Variants in CADM2 observed in about 807,000 individuals in gnomAD.
The protein encoded by CADM2 is immunoglobulin superfamily member 4D.
A neutral mutation model predicts 49.8 loss-of-function variants in CADM2; 12 were observed. The ratio of observed to expected loss-of-function variants is 0.24; its 90% CI spans 0.15 to 0.39. The LOEUF (loss-of-function observed/expected upper bound fraction) is 0.39. Ranked by LOEUF, CADM2 falls within the 10% of genes least tolerant of loss-of-function variation. The pLI is 1.00. For missense variants in CADM2, 378 were observed against 492.3 expected, an observed-to-expected ratio of 0.77 and a Z score of 2.20; for synonymous variants, 214 against 175.4, an observed-to-expected ratio of 1.22 and a Z score of -1.74.
chr3:85,714,665 C>T (rs1011677909), intron 1 of CADM2, among the ~76,000 whole-genome samples: 9 of 151,986 alleles, frequency 5.9e-5, no homozygotes, highest in African/African-American at 9.7e-5. Context: ...CTCCTGACCT[C>T]GTGATCCGCC....
At chr3:85,884,351 A>G (rs1170738465) in intron 4 of CADM2, among the ~76,000 whole-genome samples, 3 of 152,258 alleles carry the variant, frequency 2.0e-5, no homozygotes, top group African/African-American at 7.2e-5. Context: ...AAGTTAATCC[A>G]GCTAGTGAAT....
At chr3:85,985,006 A>C (rs889056297) in intron 8 of CADM2, among the ~76,000 whole-genome samples, 1 of 152,000 alleles carries the variant, frequency 6.6e-6, no homozygotes, top group Non-Finnish European at 1.5e-5. Flanking sequence ...CTAGAACTAG[A>C]GTTATATTGA....
At chr3:85,092,972 C>T (rs1301882003) in intron 1 of CADM2, among the ~76,000 whole-genome samples, 1 of 152,078 alleles carries the variant, frequency 6.6e-6, no homozygotes, top group Admixed American at 6.6e-5. Context: ...AATAACATGC[C>T]TTTTGTTATA....
intron 2 of CADM2, among the ~76,000 whole-genome samples, chr3:85,770,219 T>A (rs1372657443): frequency 7.9e-5 from 12 of 152,242 alleles, no homozygotes; most frequent in African/African-American, 2.9e-4. Flanking sequence ...CCCAATTCTA[T>A]GTGCTTATTT....
chr3:85,452,024 C>A (rs1273079620), intron 1 of CADM2, among the ~76,000 whole-genome samples: 1 of 152,130 alleles, frequency 6.6e-6, no homozygotes, highest in Non-Finnish European at 1.5e-5. Context: ...AATGCTTCCT[C>A]ACATTCCAGC....
At chr3:85,171,015 G>A (rs926546549) in intron 1 of CADM2, among the ~76,000 whole-genome samples, 6 of 152,094 alleles carry the variant, frequency 3.9e-5, no homozygotes, top group African/African-American at 1.4e-4. Context: ...AAGTCAAAGA[G>A]CAATGGAGCA....
chr3:85,197,386 T>C (rs934025405), intron 1 of CADM2, among the ~76,000 whole-genome samples: 5 of 151,980 alleles, frequency 3.3e-5, no homozygotes, highest in African/African-American at 1.2e-4. Flanking sequence ...CTTTATTTTT[T>C]CAACAAACAT....
chr3:85,667,088 C>T (rs1577050355), intron 1 of CADM2, among the ~76,000 whole-genome samples: 1 of 151,876 alleles, frequency 6.6e-6, no homozygotes, highest in African/African-American at 2.4e-5. Context: ...CTTAGATTTC[C>T]TGGTAAGATT....
chr3:85,729,080 C>T (rs994025390), intron 2 of CADM2, among the ~76,000 whole-genome samples: 6 of 152,110 alleles, frequency 3.9e-5, no homozygotes, highest in Non-Finnish European at 5.9e-5. Flanking sequence ...TCTCCAATGG[C>T]CAAATCCAAG....
chr3:84,992,564 G>T (rs375866888), intron 1 of CADM2, among the ~76,000 whole-genome samples: 25 of 152,054 alleles, frequency 1.6e-4, no homozygotes, highest in African/African-American at 6.0e-4. Context: ...AGGAGGCGGA[G>T]GTTGCAGTGA....
At chr3:85,091,878 T>C (rs1365245636) in intron 1 of CADM2, among the ~76,000 whole-genome samples, 1 of 152,122 alleles carries the variant, frequency 6.6e-6, no homozygotes. Context: ...ATAATAAGTA[T>C]GAGAAAACAT....
At chr3:85,965,676 C>T (rs1455750454) in intron 8 of CADM2, among the ~76,000 whole-genome samples, 4 of 151,552 alleles carry the variant, frequency 2.6e-5, no homozygotes, top group Non-Finnish European at 5.9e-5. Flanking sequence ...TATAGTCACC[C>T]TTGTTCTCTA....
At chr3:86,004,298 A>T (rs780619411) in intron 8 of CADM2, among the ~76,000 whole-genome samples, 2 of 152,214 alleles carry the variant, frequency 1.3e-5, no homozygotes, top group Non-Finnish European at 1.5e-5. Context: ...AAAATCTGAG[A>T]TTAATGGCAT....
At chr3:85,622,048 G>C (rs1195567777) in intron 1 of CADM2, among the ~76,000 whole-genome samples, 2 of 152,150 alleles carry the variant, frequency 1.3e-5, no homozygotes, top group African/African-American at 4.8e-5. Flanking sequence ...TGTAAGCTTA[G>C]AATATTAAAA....
At chr3:85,166,529 A>T (rs999949359) in intron 1 of CADM2, among the ~76,000 whole-genome samples, 9 of 151,946 alleles carry the variant, frequency 5.9e-5, no homozygotes, top group Non-Finnish European at 1.0e-4. Context: ...TGCATCAAAA[A>T]TTTCTGAAGT....
At chr3:85,618,448 C>T (rs557342211) in intron 1 of CADM2, among the ~76,000 whole-genome samples, 15 of 152,166 alleles carry the variant, frequency 9.9e-5, no homozygotes, top group African/African-American at 2.2e-4. Flanking sequence ...TGTTTGTTTT[C>T]GCATATCTAA....
intron 2 of CADM2, among the ~76,000 whole-genome samples, chr3:85,746,511 C>G (rs1362629548): frequency 6.6e-6 from 1 of 152,014 alleles, no homozygotes; most frequent in African/African-American, 2.4e-5. Flanking sequence ...TATTTTGTGC[C>G]ATCATTTCAT....
chr3:85,310,781 A>G (rs1559772533), intron 1 of CADM2, among the ~76,000 whole-genome samples: 1 of 152,188 alleles, frequency 6.6e-6, no homozygotes, highest in Non-Finnish European at 1.5e-5. Context: ...GCAGGAACAG[A>G]AATTTTTACA....
intron 1 of CADM2, among the ~76,000 whole-genome samples, chr3:85,066,381 T>TA (rs11368552): frequency 0.13 from 18,376 of 145,686 alleles, 1,759 homozygotes; most frequent in Admixed American, 0.26. Context: ...AATCAGCATT[T>TA]AAAAAAAAAA....
Sources: gnomAD v4.1 joint callset for allele counts (sites outside exome capture counted in the v4.1 genomes callset) on GRCh38, gnomAD v4.1.1 for gene constraint, MANE v1.5 for transcripts, NCBI Gene and HGNC (gene_info 2026-07-23, HGNC 2026-07-21) for gene names.